The following SRSF9 variants were observed in gnomAD, a reference collection of about 807,000 sequenced individuals.
SRSF9 encodes serine and arginine rich splicing factor 9.
Under a neutral mutation model 25.9 loss-of-function variants are expected in SRSF9, and 3 were observed. The observed-to-expected ratio is 0.12, with a 90% CI of 0.05 to 0.30. SRSF9 has a LOEUF of 0.30. Ranked by LOEUF, SRSF9 falls within the 10% of genes least tolerant of loss-of-function variation. The pLI, the probability that SRSF9 is intolerant of heterozygous loss-of-function variation, is 1.00. For synonymous variants in SRSF9, 114 were observed against 113.2 expected, an observed-to-expected ratio of 1.01 and a Z score of -0.05; for missense variants, 161 against 303.5, an observed-to-expected ratio of 0.53 and a Z score of 3.49.
intron 2 of SRSF9, 107 bp downstream of exon 2, chr12:120,465,520 C>T: frequency 8.1e-7 from 1 of 1,238,818 alleles, no homozygotes; most frequent in Admixed American, 3.9e-5. Flanking sequence ...GAAAAGAAAG[C>T]CCCCGTGTCC....
rs999382570 is a variant in SRSF9, at chr12:120,461,956, G to A, written c.*63C>T. ...CACTAAATCCTCAATCTGGAATGTA[G>A]ATTCTGAGCACAAAGCAGCTCAGTT... On this transcript the variant is annotated 3_prime_UTR_variant, in exon 4 of 4. Transcript: ENST00000229390. 42 of 1,425,020 alleles carry A rather than the reference G, an allele frequency of 2.9e-5. No individual in the cohort carries two copies. The highest frequency in any genetic ancestry group is 3.8e-5 in the Non-Finnish European group (41 of 1,074,642). 88.3% of individuals were successfully genotyped at this position (1,425,020 alleles called of 1,614,324 possible).
At chr12:120,464,511 A>C (rs1157628794) in intron 2 of SRSF9, 3 of 158,650 alleles carry the variant, frequency 1.9e-5, no homozygotes, top group African/African-American at 7.2e-5. Context: ...ATTGCTTGAC[A>C]GGGTTTCACA....
At chr12:120,463,812 A>G in intron 3 of SRSF9, 138 bp downstream of exon 3, 1 of 984,558 alleles carries the variant, frequency 1.0e-6, no homozygotes, top group Non-Finnish European at 1.5e-6. Flanking sequence ...AGCAAATTCC[A>G]TGGCTTTGTC....
intron 3 of SRSF9, 58 bp downstream of exon 3, chr12:120,463,892 G>A: frequency 3.2e-6 from 5 of 1,540,950 alleles, no homozygotes; most frequent in Non-Finnish European, 4.4e-6. Context: ...CCTCTGCTAG[G>A]TCAGGTTCAA....
rs769288084 is a variant in SRSF9 at position 120,463,986 on chromosome 12, C to T, written c.486G>A (p.Leu162=). 1.2e-6 allele frequency: 2 copies of T among 1,613,502 alleles called. No individual in the cohort carries two copies. Among genetic ancestry groups the T allele is most frequent in the Non-Finnish European group, 1.7e-6 (2 of 1,179,666 alleles). Residue 162 remains leucine, a synonymous_variant, in exon 3 of 4, where the codon CTG becomes CTA. Coordinates refer to ENST00000229390, the MANE Select transcript of SRSF9 (RefSeq NM_003769.3). ...YLRKEDMEYA[L]RKLDDTKFRS... is the part of the protein sequence containing the mutation. ...GGAATTTGGTGTCATCCAGTTTACGCAGGGCATATTCCATGTCTTCTTTTC... is the reference window on the plus strand; with the variant it reads ...GGAATTTGGTGTCATCCAGTTTACGTAGGGCATATTCCATGTCTTCTTTTC...
At chr12:120,464,947 T>A (rs927509158) in intron 2 of SRSF9, 4 of 152,144 alleles carry the variant, frequency 2.6e-5, no homozygotes, top group Admixed American at 6.5e-5. Context: ...ACTGAGAGTA[T>A]CACTCTTAAG....
rs148484604 is a variant in SRSF9, at chr12:120,469,565, G to T, written c.45C>A (p.Arg15=). ...ADERGGEGDG[R]IYVGNLPTDV... is the part of the protein sequence containing the mutation. ...CGGTCGGAAGGTTCCCCACGTAGAT[G>T]CGCCCGTCGCCCTCGCCGCCGCGCT... The change falls in exon 1 of 4, where the codon CGC becomes CGA. Residue 15 remains arginine (R), a synonymous_variant. Coordinates refer to ENST00000229390, the MANE Select transcript of SRSF9 (RefSeq NM_003769.3). 2.0e-5 allele frequency: 31 copies of T among 1,568,260 alleles called. No homozygotes were observed. In the African/African-American group the frequency reaches 4.1e-4, roughly 21 times the overall value.
chr12:120,469,319 G>A (rs548496440), intron 1 of SRSF9, 103 bp downstream of exon 1: 1 of 734,752 alleles, frequency 1.4e-6, no homozygotes, highest in South Asian at 2.0e-5. Context: ...CGGAGGCGGG[G>A]GGAGGGGAGG....
intron 1 of SRSF9, 54 bp from the exon 2 acceptor site, chr12:120,465,841 G>A: frequency 6.6e-7 from 1 of 1,525,898 alleles, no homozygotes; most frequent in Non-Finnish European, 8.7e-7. Context: ...CTGTTCAGGA[G>A]GCCAAGTGAC....
Position 120,469,655 on chromosome 12 carries a change from C to T in SRSF9, c.-46G>A, listed in dbSNP as rs1268585975. 3.1e-5 allele frequency: 38 copies of T among 1,213,486 alleles called. No individual in the cohort carries two copies. The highest frequency in any genetic ancestry group is 3.9e-5 in the Non-Finnish European group (38 of 967,168). The allele number at this position is 1,213,486 out of a possible 1,614,324, so 75.2% of individuals were successfully genotyped here. ...GGCCCGCCGCAGCCCACGTCGCCGC[C>T]GCCGCCTCAGCACGGGTCCCCCCGC... On this transcript the variant is annotated 5_prime_UTR_variant, in exon 1 of 4. Transcript: ENST00000229390.
chr12:120,468,605 G>C (rs1336883415), intron 1 of SRSF9, among the ~76,000 whole-genome samples: 4 of 152,204 alleles, frequency 2.6e-5, no homozygotes, highest in African/African-American at 9.7e-5. Flanking sequence ...ATGATGCTAG[G>C]AAAACAGGGT....
At chr12:120,468,940 G>A (rs1047117389) in intron 1 of SRSF9, among the ~76,000 whole-genome samples, 9 of 151,766 alleles carry the variant, frequency 5.9e-5, no homozygotes, top group African/African-American at 2.2e-4. Context: ...CGAACGGCGA[G>A]CTATTCCACC....
At chr12:120,469,338 A>T in intron 1 of SRSF9, 84 bp downstream of exon 1, 2 of 806,776 alleles carry the variant, frequency 2.5e-6, no homozygotes, top group Non-Finnish European at 3.4e-6. Flanking sequence ...GGCCGGGGGG[A>T]GGGGAGCCCT....
chr12:120,462,391 G>A, intron 3 of SRSF9: 5 of 408,808 alleles, frequency 1.2e-5, no homozygotes, highest in Non-Finnish European at 1.3e-5. Context: ...ATTTGCCCAA[G>A]GTAACACAAT....
At chr12:120,469,333 G>C in intron 1 of SRSF9, 89 bp downstream of exon 1, 1 of 918,888 alleles carries the variant, frequency 1.1e-6, no homozygotes, top group Non-Finnish European at 1.6e-6. Context: ...GGGGAGGCCG[G>C]GGGGAGGGGA....
chr12:120,461,876 A>G lies in SRSF9; in HGVS notation c.*143T>C, dbSNP rs1878349273. The G allele has an allele frequency of 2.2e-6, 2 of 897,546 alleles. No homozygotes were observed. Among genetic ancestry groups the G allele is most frequent in the Middle Eastern group, 3.9e-4 (1 of 2,594 alleles). The allele number at this position is 897,546 out of a possible 1,614,324, so 55.6% of individuals were successfully genotyped here. A position where few individuals can be genotyped will look rare whatever the true frequency, so the allele number is the denominator to read the frequency against. On this transcript the variant is annotated 3_prime_UTR_variant, in exon 4 of 4. Transcript: ENST00000229390. Reference sequence around the variant, plus strand: ...CACTGCTAATATGGCCCTGGTAGAAATTATGTAGTTTTTTTTCTTCTTTAA... The same window carrying G: ...CACTGCTAATATGGCCCTGGTAGAAGTTATGTAGTTTTTTTTCTTCTTTAA...
At chr12:120,467,634 G>A (rs902765920) in intron 1 of SRSF9, among the ~76,000 whole-genome samples, 1 of 152,032 alleles carries the variant, frequency 6.6e-6, no homozygotes, top group Non-Finnish European at 1.5e-5. Flanking sequence ...ATCTCACAGG[G>A]TTATTGTAAT....
At chr12:120,468,944 T>G (rs1328709266) in intron 1 of SRSF9, among the ~76,000 whole-genome samples, 1 of 151,506 alleles carries the variant, frequency 6.6e-6, no homozygotes, top group African/African-American at 2.4e-5. Flanking sequence ...CGGCGAGCTA[T>G]TCCACCAGAG....
intron 1 of SRSF9, among the ~76,000 whole-genome samples, chr12:120,467,387 G>C (rs896868943): frequency 1.3e-5 from 2 of 152,114 alleles, no homozygotes; most frequent in Non-Finnish European, 2.9e-5. Flanking sequence ...TGTAATCCCA[G>C]CTACTCAGGA....
Sources: gnomAD v4.1 joint callset for allele counts (sites outside exome capture counted in the v4.1 genomes callset) on GRCh38, gnomAD v4.1.1 for gene constraint, MANE v1.5 for transcripts, NCBI Gene and HGNC (gene_info 2026-07-23, HGNC 2026-07-21) for gene names.